SRPK2: variants seen among roughly 807,000 people sequenced by gnomAD.
SRPK2 encodes SRSF protein kinase 2.
Under a neutral mutation model 90.8 loss-of-function variants are expected in SRPK2, and 21 were observed. That is an observed-to-expected ratio of 0.23 (90% CI 0.16 to 0.33). The LOEUF is 0.33. Ranked by LOEUF, SRPK2 falls within the 10% of genes least tolerant of loss-of-function variation. The pLI, the probability that SRPK2 is intolerant of heterozygous loss-of-function variation, is 1.00. For synonymous variants in SRPK2, 288 were observed against 311.1 expected (o/e 0.93, Z 0.78); for missense variants, 620 against 869.0 (o/e 0.71, Z 3.60).
intron 2 of SRPK2, among the ~76,000 whole-genome samples, chr7:105,387,720 A>G (rs568118569): frequency 6.6e-6 from 1 of 152,362 alleles, no homozygotes; most frequent in East Asian, 1.9e-4. Context: ...ATTCTTGCTC[A>G]AAAGAGCGAA....
chr7:105,361,062 T>C (rs1818367532), intron 2 of SRPK2, among the ~76,000 whole-genome samples: 1 of 152,190 alleles, frequency 6.6e-6, no homozygotes, highest in Admixed American at 6.6e-5. Flanking sequence ...GATGACATGA[T>C]TGTCTATTTA....
intron 2 of SRPK2, among the ~76,000 whole-genome samples, chr7:105,337,184 T>C (rs1245407631): frequency 6.6e-6 from 1 of 152,170 alleles, no homozygotes; most frequent in Non-Finnish European, 1.5e-5. Flanking sequence ...GCATGATTGC[T>C]GTGGGCTGAA....
intron 2 of SRPK2, among the ~76,000 whole-genome samples, chr7:105,288,036 A>C (rs996890015): frequency 1.3e-5 from 2 of 152,156 alleles, no homozygotes; most frequent in African/African-American, 2.4e-5. Context: ...TAAAATTCAC[A>C]CTTTAATCAA....
intron 3 of SRPK2, among the ~76,000 whole-genome samples, chr7:105,179,405 A>G (rs1284214297): frequency 6.6e-6 from 1 of 152,220 alleles, no homozygotes; most frequent in Admixed American, 6.5e-5. Context: ...AGCAGGTCAG[A>G]GTTAAGAGTA....
Position 105,142,165 on chromosome 7 carries a change from T to C in SRPK2, c.1386A>G (p.Pro462=), listed in dbSNP as rs2129576654. ...GRHKIPESQF[P]EFSTSLFSGS... The stretch of plus-strand genomic sequence containing the variant: ...CAGAGAACAACGAGGTGGAAAACTC[T>C]GGGAACTGTGACTCGGGAATTTTAT... Residue 462 remains proline, a synonymous_variant, in exon 11 of 16, where the codon CCA becomes CCG. Transcript: ENST00000393651. 6.2e-7 allele frequency: 1 copy of C among 1,614,196 alleles called. No homozygotes were observed. The highest frequency in any genetic ancestry group is 1.1e-5 in the South Asian group (1 of 91,084).
chr7:105,296,688 A>G (rs73716651), intron 2 of SRPK2, among the ~76,000 whole-genome samples: 1,636 of 152,328 alleles, frequency 0.011, 23 homozygotes, highest in African/African-American at 0.037. Flanking sequence ...ATGTATTTAA[A>G]TATCTGAGGA....
At chr7:105,396,209 C>A (rs1244917743) in intron 1 of SRPK2, among the ~76,000 whole-genome samples, 1 of 152,026 alleles carries the variant, frequency 6.6e-6, no homozygotes, top group African/African-American at 2.4e-5. Flanking sequence ...GCCACCACGC[C>A]CGGCTAGTAG....
intron 2 of SRPK2, among the ~76,000 whole-genome samples, chr7:105,213,814 C>G (rs745638089): frequency 9.9e-5 from 15 of 152,142 alleles, no homozygotes; most frequent in South Asian, 6.2e-4. Flanking sequence ...GCTATAACAA[C>G]TAACGATTGC....
intron 2 of SRPK2, chr7:105,245,036 C>CACACACAT (rs1404741398): frequency 1.1e-5 from 2 of 182,210 alleles, no homozygotes; most frequent in Non-Finnish European, 1.8e-5. Flanking sequence ...ACAAAACAAA[C>CACACACAT]ACACACACAC....
chr7:105,291,680 A>G (rs1809044616), intron 2 of SRPK2, among the ~76,000 whole-genome samples: 1 of 152,212 alleles, frequency 6.6e-6, no homozygotes, highest in Non-Finnish European at 1.5e-5. Context: ...CACTGAGCCA[A>G]GATGGCACCA....
chr7:105,170,983 GAAAGAAAGAAAGAGAA>G, intron 3 of SRPK2, among the ~76,000 whole-genome samples: 1 of 116,720 alleles, frequency 8.6e-6, no homozygotes, highest in African/African-American at 3.4e-5. Context: ...GAAAGAGAAA[GAAAGAAAGAAAGAGAA>G]AGAAAGAAAG....
chr7:105,323,067 C>T (rs931962615), intron 2 of SRPK2, among the ~76,000 whole-genome samples: 2 of 152,120 alleles, frequency 1.3e-5, no homozygotes, highest in East Asian at 1.9e-4. Context: ...GGCATGGTGG[C>T]GCATGCCTGT....
At chr7:105,200,054 T>C (rs1795359635) in intron 3 of SRPK2, among the ~76,000 whole-genome samples, 2 of 152,038 alleles carry the variant, frequency 1.3e-5, no homozygotes, top group South Asian at 2.1e-4. Context: ...GTAATCCCAA[T>C]ACTTTGGGAG....
intron 2 of SRPK2, among the ~76,000 whole-genome samples, chr7:105,227,556 C>T (rs1290068417): frequency 6.6e-6 from 1 of 151,974 alleles, no homozygotes; most frequent in Non-Finnish European, 1.5e-5. Flanking sequence ...AGTAGGATAA[C>T]TACAAGTAAA....
intron 2 of SRPK2, among the ~76,000 whole-genome samples, chr7:105,374,920 T>C (rs181862425): frequency 1.4e-4 from 22 of 152,150 alleles, no homozygotes; most frequent in African/African-American, 5.1e-4. Context: ...CCATGAAAAA[T>C]ATTTATAACA....
At chr7:105,143,478 G>C in intron 9 of SRPK2, 148 bp from the exon 10 acceptor site, 4 of 1,006,560 alleles carry the variant, frequency 4.0e-6, no homozygotes, top group Non-Finnish European at 5.7e-6. Context: ...TCCACTTTGT[G>C]GTAAGGCTTA....
At chr7:105,136,335 C>T (rs1802804533) in intron 11 of SRPK2, among the ~76,000 whole-genome samples, 1 of 152,210 alleles carries the variant, frequency 6.6e-6, no homozygotes, top group Admixed American at 6.5e-5. Context: ...AAGAAGTCCA[C>T]TGAAACCCAA....
chr7:105,331,320 A>AAAAC (rs1406255339), intron 2 of SRPK2, among the ~76,000 whole-genome samples: 1 of 131,610 alleles, frequency 7.6e-6, no homozygotes, highest in Non-Finnish European at 1.7e-5. Flanking sequence ...AAAAAAAAAA[A>AAAAC]AAAAAAAAAA....
chr7:105,339,478 A>C (rs935889250), intron 2 of SRPK2, among the ~76,000 whole-genome samples: 3 of 152,218 alleles, frequency 2.0e-5, no homozygotes, highest in African/African-American at 7.2e-5. Flanking sequence ...AAATATTGTT[A>C]ACATAATAAT....
Sources: allele counts gnomAD v4.1 joint callset (sites outside exome capture counted in the v4.1 genomes callset), GRCh38; gene constraint gnomAD v4.1.1; transcripts MANE v1.5; gene names NCBI Gene and HGNC (gene_info 2026-07-23, HGNC 2026-07-21).